COL13A1: variants seen among roughly 807,000 people sequenced by gnomAD.
The protein encoded by COL13A1 is collagen alpha-1(XIII) chain.
In COL13A1, 89 loss-of-function variants were observed where a neutral mutation model predicts 130.9. That is an observed-to-expected ratio of 0.68 (90% CI 0.57 to 0.81). The LOEUF is 0.81. Among genes scored for constraint, COL13A1 ranks in the 30% least tolerant of loss-of-function variants. The pLI is 0.00. For synonymous variants in COL13A1, 402 were observed against 341.6 expected (o/e 1.18, Z -1.95); for missense variants, 879 against 934.6 (o/e 0.94, Z 0.78).
In COL13A1 at chr10:69,932,610, T is replaced by C. The variant is rs373955853; in HGVS notation, c.1728+6T>C. 1 of 1,592,302 alleles carries C rather than the reference T, an allele frequency of 6.3e-7. No individual in the cohort carries two copies. ...AGGGCAATCCAGGAGCAGAGGTACA[T>C]GAGAGATAATTTGACAGAGACTCAT... On this transcript the variant is annotated splice_donor_region_variant and intron_variant, in intron 31 of 40. Coordinates refer to ENST00000645393, the MANE Select transcript of COL13A1 (RefSeq NM_001368882.1).
chr10:69,840,981 A>G (rs1851444580), intron 2 of COL13A1, among the ~76,000 whole-genome samples: 1 of 151,182 alleles, frequency 6.6e-6, no homozygotes, highest in African/African-American at 2.4e-5. Flanking sequence ...CTCCTCTGTC[A>G]CCCCTCCGCC....
chr10:69,911,475 A>T (rs1010154223), intron 17 of COL13A1, among the ~76,000 whole-genome samples: 2 of 152,252 alleles, frequency 1.3e-5, no homozygotes, highest in Non-Finnish European at 2.9e-5. Flanking sequence ...CGAGGTCCAC[A>T]GCTAGGAAAT....
chr10:69,821,160 C>T (rs969286467), intron 1 of COL13A1, among the ~76,000 whole-genome samples: 2 of 152,324 alleles, frequency 1.3e-5, no homozygotes, highest in African/African-American at 4.8e-5. Flanking sequence ...GTGGCCAGGT[C>T]TTTCAGTTAG....
At chr10:69,809,834 C>G (rs1447902331) in intron 1 of COL13A1, among the ~76,000 whole-genome samples, 1 of 152,240 alleles carries the variant, frequency 6.6e-6, no homozygotes, top group Non-Finnish European at 1.5e-5. Flanking sequence ...GAGGGAAGCC[C>G]TTGTCCAGTC....
intron 7 of COL13A1, among the ~76,000 whole-genome samples, chr10:69,883,594 G>A (rs545916068): frequency 5.2e-4 from 79 of 152,336 alleles, no homozygotes; most frequent in Non-Finnish European, 9.3e-4. Flanking sequence ...CAAGTGCTAA[G>A]CCAGGGGATG....
intron 7 of COL13A1, among the ~76,000 whole-genome samples, chr10:69,882,855 T>C (rs184130004): frequency 6.6e-6 from 1 of 152,050 alleles, no homozygotes; most frequent in East Asian, 1.9e-4. Context: ...CCCTGCTGAG[T>C]CCCCACTACA....
At chr10:69,825,409 C>A (rs1004661362) in intron 2 of COL13A1, among the ~76,000 whole-genome samples, 6 of 152,204 alleles carry the variant, frequency 3.9e-5, no homozygotes, top group African/African-American at 1.4e-4. Context: ...TTTTGTCTTG[C>A]AGCACCTAAT....
At chr10:69,827,752 C>A (rs1202520962) in intron 2 of COL13A1, among the ~76,000 whole-genome samples, 1 of 152,182 alleles carries the variant, frequency 6.6e-6, no homozygotes, top group Admixed American at 6.5e-5. Flanking sequence ...ACATCCTAAA[C>A]CCTACTCTCT....
At chr10:69,811,242 A>C (rs17497293) in intron 1 of COL13A1, among the ~76,000 whole-genome samples, 16,392 of 151,938 alleles carry the variant, frequency 0.11, 999 homozygotes, top group Non-Finnish European at 0.13. Flanking sequence ...TCGGTTTTTT[A>C]TCCGCTCTTT....
chr10:69,880,646 G>T (rs927954770), intron 7 of COL13A1, 93 bp downstream of exon 7: 80 of 1,362,816 alleles, frequency 5.9e-5, no homozygotes, highest in Non-Finnish European at 7.3e-5. Flanking sequence ...CAGCGAGGGC[G>T]GCTGTGCCCC....
intron 8 of COL13A1, among the ~76,000 whole-genome samples, chr10:69,888,012 T>C (rs1264471897): frequency 6.6e-6 from 1 of 152,180 alleles, no homozygotes; most frequent in Non-Finnish European, 1.5e-5. Context: ...CCACCTACTC[T>C]GCACTCAGGA....
chr10:69,815,180 G>T (rs1167334553), intron 1 of COL13A1, among the ~76,000 whole-genome samples: 1 of 152,274 alleles, frequency 6.6e-6, no homozygotes. Context: ...CCTCTGGGCT[G>T]TGTCTATGCC....
chr10:69,954,689 G>A (rs1299866065), intron 39 of COL13A1, among the ~76,000 whole-genome samples: 1 of 152,188 alleles, frequency 6.6e-6, no homozygotes, highest in African/African-American at 2.4e-5. Flanking sequence ...GATGGTCCAG[G>A]ATTAGGTTTT....
chr10:69,866,905 A>AG (rs2058575390), intron 2 of COL13A1, among the ~76,000 whole-genome samples: 1 of 152,142 alleles, frequency 6.6e-6, no homozygotes, highest in Non-Finnish European at 1.5e-5. Context: ...CCAGGGCACT[A>AG]GGGGCCGGGC....
chr10:69,907,300 G>A (rs2062861555), intron 17 of COL13A1, among the ~76,000 whole-genome samples: 1 of 152,130 alleles, frequency 6.6e-6, no homozygotes, highest in South Asian at 2.1e-4. Context: ...AGAAAACTGT[G>A]TGTCTTAGTC....
rs1388185197 is a variant in COL13A1, at chr10:69,835,623, A to C, written c.364+13185A>C. 2.0e-5 allele frequency among the ~76,000 whole-genome samples: 3 copies of C among 152,288 alleles called. No homozygotes were observed. In the East Asian group the frequency reaches 5.8e-4, roughly 29 times the overall value. On this transcript the variant is annotated intron_variant, in intron 2 of 40. Coordinates refer to ENST00000645393, the MANE Select transcript of COL13A1 (RefSeq NM_001368882.1). The stretch of plus-strand genomic sequence containing the variant: ...CCTATTCTCCTGATGAGGACCCTGA[A>C]GCTCAGAATTCTTTGCTCGAGGATA...
At chr10:69,810,304 C>T (rs896197876) in intron 1 of COL13A1, among the ~76,000 whole-genome samples, 9 of 150,700 alleles carry the variant, frequency 6.0e-5, no homozygotes, top group African/African-American at 1.5e-4. Flanking sequence ...ACGAGCTCCT[C>T]GGGTGATCGT....
rs1295127081 is a variant in COL13A1 at position 69,958,736 on chromosome 10, T to G, written c.*35T>G. 2 of 1,613,176 alleles carry G rather than the reference T, an allele frequency of 1.2e-6. No homozygotes were observed. The highest frequency in any genetic ancestry group is 1.7e-6 in the Non-Finnish European group (2 of 1,179,692). On this transcript the variant is annotated 3_prime_UTR_variant, in exon 41 of 41. Coordinates refer to ENST00000645393, the MANE Select transcript of COL13A1 (RefSeq NM_001368882.1). ...CCTTGGATTGGCCTGTGTGTGTGTTTGTACATAGAATATTTATTTTTATAC... is the reference window on the plus strand; with the variant it reads ...CCTTGGATTGGCCTGTGTGTGTGTTGGTACATAGAATATTTATTTTTATAC...
intron 40 of COL13A1, among the ~76,000 whole-genome samples, chr10:69,957,454 G>C (rs1357091082): frequency 6.6e-6 from 1 of 152,128 alleles, no homozygotes; most frequent in East Asian, 1.9e-4. Context: ...ACATGCTACT[G>C]TGCCTCCCCT....
Sources: gnomAD v4.1 joint callset for allele counts (sites outside exome capture counted in the v4.1 genomes callset) on GRCh38, gnomAD v4.1.1 for gene constraint, MANE v1.5 for transcripts, NCBI Gene and HGNC (gene_info 2026-07-23, HGNC 2026-07-21) for gene names.